Variants in KCTD8 observed in about 807,000 individuals in gnomAD.
KCTD8 encodes BTB/POZ domain-containing protein KCTD8.
In KCTD8, 27 loss-of-function variants were observed where a neutral mutation model predicts 31.5. That is an observed-to-expected ratio of 0.86 (90% CI 0.63 to 1.18). The LOEUF (loss-of-function observed/expected upper bound fraction) is 1.18. KCTD8 is among the 50% of genes most tolerant of loss of function. The probability of loss-of-function intolerance (pLI) is 0.00; values close to 1 mark genes in which losing one functional copy is unlikely to be tolerated. For synonymous variants in KCTD8, 290 were observed against 280.0 expected (o/e 1.04, Z -0.36); for missense variants, 658 against 647.7 (o/e 1.02, Z -0.17).
At chr4:44,343,095 A>G (rs927388596) in intron 1 of KCTD8, among the ~76,000 whole-genome samples, 3 of 152,228 alleles carry the variant, frequency 2.0e-5, no homozygotes, top group Admixed American at 2.0e-4. Flanking sequence ...TCCACTCACA[A>G]ATTGGCTGTT....
At chr4:44,408,161 T>C (rs989873836) in intron 1 of KCTD8, among the ~76,000 whole-genome samples, 3 of 152,170 alleles carry the variant, frequency 2.0e-5, no homozygotes, top group Non-Finnish European at 4.4e-5. Flanking sequence ...CTTCATTACC[T>C]GCAATACAGG....
chr4:44,207,119 C>T (rs1714337643), intron 1 of KCTD8, among the ~76,000 whole-genome samples: 1 of 152,134 alleles, frequency 6.6e-6, no homozygotes, highest in South Asian at 2.1e-4. Flanking sequence ...GAACAAGTTA[C>T]TTGAACTCTC....
chr4:44,312,678 A>G (rs1717990505), intron 1 of KCTD8, among the ~76,000 whole-genome samples: 3 of 152,214 alleles, frequency 2.0e-5, no homozygotes, highest in African/African-American at 4.8e-5. Flanking sequence ...TCCCTCCATA[A>G]CTTCTTTATG....
At chr4:44,331,795 T>C (rs989626203) in intron 1 of KCTD8, among the ~76,000 whole-genome samples, 1 of 149,284 alleles carries the variant, frequency 6.7e-6, no homozygotes, top group African/African-American at 2.4e-5. Context: ...CACATCTCTC[T>C]CTGTGTGTAT....
At chr4:44,343,436 C>G (rs1560431276) in intron 1 of KCTD8, among the ~76,000 whole-genome samples, 1 of 152,114 alleles carries the variant, frequency 6.6e-6, no homozygotes, top group Non-Finnish European at 1.5e-5. Context: ...TCAAAGATTA[C>G]TGATCACAGA....
chr4:44,308,247 G>C (rs533242170), intron 1 of KCTD8, among the ~76,000 whole-genome samples: 11 of 151,924 alleles, frequency 7.2e-5, no homozygotes, highest in Admixed American at 2.0e-4. Context: ...CTGGTATATC[G>C]ATATAGTATA....
intron 1 of KCTD8, among the ~76,000 whole-genome samples, chr4:44,351,454 G>A (rs1719193152): frequency 6.6e-6 from 1 of 151,968 alleles, no homozygotes; most frequent in Admixed American, 6.6e-5. Flanking sequence ...TATCATTTTG[G>A]CCGTTTCTTC....
chr4:44,315,731 A>G (rs1421023575), intron 1 of KCTD8, among the ~76,000 whole-genome samples: 1 of 152,160 alleles, frequency 6.6e-6, no homozygotes, highest in Non-Finnish European at 1.5e-5. Flanking sequence ...ATCCAGTTGT[A>G]GAACTCTAGG....
At chr4:44,414,855 G>A (rs1198282508) in intron 1 of KCTD8, among the ~76,000 whole-genome samples, 7 of 152,122 alleles carry the variant, frequency 4.6e-5, no homozygotes, top group Admixed American at 4.6e-4. Context: ...TGGTACTGAG[G>A]AGTCAGCTGT....
At chr4:44,285,229 C>A (rs1208993577) in intron 1 of KCTD8, among the ~76,000 whole-genome samples, 2 of 152,164 alleles carry the variant, frequency 1.3e-5, no homozygotes, top group Middle Eastern at 3.4e-3. Flanking sequence ...ACCCAATTGT[C>A]CATCAATGGT....
chr4:44,308,755 T>C (rs1187771076), intron 1 of KCTD8, among the ~76,000 whole-genome samples: 2 of 152,208 alleles, frequency 1.3e-5, no homozygotes, highest in East Asian at 3.9e-4. Flanking sequence ...AGTAATATAC[T>C]AATCAATAAC....
chr4:44,182,792 A>T (rs1012094974), intron 1 of KCTD8, among the ~76,000 whole-genome samples: 6 of 152,164 alleles, frequency 3.9e-5, no homozygotes, highest in African/African-American at 9.7e-5. Context: ...AATAAAATAA[A>T]AAATAAATAA....
chr4:44,325,816 A>G (rs1718428960), intron 1 of KCTD8, among the ~76,000 whole-genome samples: 1 of 151,912 alleles, frequency 6.6e-6, no homozygotes, highest in Non-Finnish European at 1.5e-5. Flanking sequence ...CTATCTCCTT[A>G]ATTCACAGGG....
chr4:44,212,714 T>G (rs551689910), intron 1 of KCTD8, among the ~76,000 whole-genome samples: 1 of 152,322 alleles, frequency 6.6e-6, no homozygotes, highest in South Asian at 2.1e-4. Context: ...TCAAAATTTA[T>G]GTTTCCTTAT....
intron 1 of KCTD8, among the ~76,000 whole-genome samples, chr4:44,390,551 T>G (rs1267638451): frequency 6.6e-6 from 1 of 152,064 alleles, no homozygotes; most frequent in African/African-American, 2.4e-5. Flanking sequence ...TATGGCCTTA[T>G]AGTTTAAAGT....
intron 1 of KCTD8, among the ~76,000 whole-genome samples, chr4:44,235,525 T>TTATATATATATATATA (rs752341720): frequency 1.8e-5 from 1 of 55,078 alleles, no homozygotes; most frequent in Admixed American, 2.1e-4. Flanking sequence ...AGACACTGGA[T>TTATATATATATATATA]TATATATATA....
chr4:44,240,602 T>G (rs563752995), intron 1 of KCTD8, among the ~76,000 whole-genome samples: 1 of 152,094 alleles, frequency 6.6e-6, no homozygotes, highest in Non-Finnish European at 1.5e-5. Context: ...GCCTCCAGAG[T>G]AGCTGGGACG....
chr4:44,365,473 A>T (rs913602099), intron 1 of KCTD8, among the ~76,000 whole-genome samples: 2 of 152,166 alleles, frequency 1.3e-5, no homozygotes, highest in African/African-American at 4.8e-5. Flanking sequence ...ATTTTAGATG[A>T]ATTCACAAAA....
intron 1 of KCTD8, among the ~76,000 whole-genome samples, chr4:44,339,965 A>G (rs148996494): frequency 6.6e-6 from 1 of 152,314 alleles, no homozygotes; most frequent in Non-Finnish European, 1.5e-5. Flanking sequence ...TAAAAATTGG[A>G]AATCAATTTG....
Sources: gnomAD v4.1 joint callset for allele counts (sites outside exome capture counted in the v4.1 genomes callset) on GRCh38, gnomAD v4.1.1 for gene constraint, MANE v1.5 for transcripts, NCBI Gene and HGNC (gene_info 2026-07-23, HGNC 2026-07-21) for gene names.